The following GPR161 variants were observed in gnomAD, a reference collection of about 807,000 sequenced individuals.
The protein encoded by GPR161 is G-protein coupled receptor RE2.
A neutral mutation model predicts 39.2 loss-of-function variants in GPR161; 25 were observed. That is an observed-to-expected ratio of 0.64 (90% CI 0.47 to 0.89). The LOEUF is 0.89. Ranked by LOEUF, GPR161 falls within the 40% of genes least tolerant of loss-of-function variation. The pLI is 0.00. For synonymous variants in GPR161, 286 were observed against 276.6 expected, an observed-to-expected ratio of 1.03 and a Z score of -0.34; for missense variants, 547 against 677.8, an observed-to-expected ratio of 0.81 and a Z score of 2.14.
chr1:168,113,386 T>C (rs946587582), intron 1 of GPR161, among the ~76,000 whole-genome samples: 4 of 152,208 alleles, frequency 2.6e-5, no homozygotes, highest in East Asian at 3.8e-4. Flanking sequence ...TCAGGGAAAG[T>C]TGATCACTAA....
rs571520266 is a variant in GPR161, at chr1:168,081,892, A to T, written c.*3639T>A. On this transcript the variant is annotated 3_prime_UTR_variant, in exon 6 of 6. Coordinates refer to ENST00000682931, the MANE Select transcript of GPR161 (RefSeq NM_001375883.1). ...TCATCCTCAGTTCCTTCCAGACAGG[A>T]CACAGCCAGGGCTCAAGGCTGAACA... The T allele has an allele frequency of 2.0e-5, 3 of 152,476 alleles. No individual in the cohort carries two copies. In the East Asian group the frequency reaches 5.8e-4, roughly 29 times the overall value. The allele number at this position is 152,476 out of a possible 1,614,324, so 9.4% of individuals were successfully genotyped here.
chr1:168,091,382 A>C (rs1198589104), intron 3 of GPR161, among the ~76,000 whole-genome samples: 2 of 152,194 alleles, frequency 1.3e-5, no homozygotes, highest in East Asian at 3.8e-4. Flanking sequence ...CATATTAAGT[A>C]GTGGGACCCT....
intron 1 of GPR161, chr1:168,118,594 C>T (rs886306879): frequency 6.6e-6 from 1 of 151,924 alleles, no homozygotes; most frequent in African/African-American, 2.4e-5. Context: ...GTACTTGTAC[C>T]CCTTAAATAT....
intron 1 of GPR161, among the ~76,000 whole-genome samples, chr1:168,119,865 A>G (rs1340932200): frequency 2.0e-5 from 3 of 151,972 alleles, no homozygotes; most frequent in African/African-American, 7.2e-5. Context: ...TACACAGAAG[A>G]CAAGAGATGA....
upstream of GPR161, chr1:168,137,065 GCGCCCCT>G: frequency 1.1e-5 from 2 of 180,572 alleles, no homozygotes; most frequent in Non-Finnish European, 1.5e-5. Context: ...CTCCCCACCC[GCGCCCCT>G]TCCTTCGCGT....
chr1:168,087,460 G>T, intron 5 of GPR161, 125 bp downstream of exon 5: 4 of 1,118,168 alleles, frequency 3.6e-6, no homozygotes, highest in Non-Finnish European at 5.3e-6. Context: ...GAGTAACCAG[G>T]GAGTGAGCAA....
chr1:168,116,992 G>C (rs1697686300), intron 1 of GPR161, among the ~76,000 whole-genome samples: 1 of 152,104 alleles, frequency 6.6e-6, no homozygotes, highest in Admixed American at 6.5e-5. Flanking sequence ...ACCTGGCTTT[G>C]GTGCTCTCCA....
At position 168,082,312 on chromosome 1, in the gene GPR161, C is replaced by T. The variant is rs1039384147; in HGVS notation, c.*3219G>A. The stretch of plus-strand genomic sequence containing the variant: ...CATGTAAGCAGGCTAGCCAGGTGGT[C>T]CTTGGTCACCAAGGCCGTGGACTAC... On this transcript the variant is annotated 3_prime_UTR_variant, in exon 6 of 6. Coordinates refer to ENST00000682931, the MANE Select transcript of GPR161 (RefSeq NM_001375883.1). The T allele has an allele frequency of 6.6e-6, 1 of 152,206 alleles. No individual in the cohort carries two copies. The highest frequency in any genetic ancestry group is 1.5e-5 in the Non-Finnish European group (1 of 68,078). The allele number at this position is 152,206 out of a possible 1,614,324, so 9.4% of individuals were successfully genotyped here.
At chr1:168,128,075 T>C (rs985271242) in intron 1 of GPR161, among the ~76,000 whole-genome samples, 10 of 152,178 alleles carry the variant, frequency 6.6e-5, no homozygotes, top group Admixed American at 3.9e-4. Flanking sequence ...CTGAGAAATA[T>C]GAAATTTTAA....
chr1:168,100,235 G>GAAC (rs1558105234), intron 2 of GPR161, among the ~76,000 whole-genome samples: 3 of 134,886 alleles, frequency 2.2e-5, no homozygotes, highest in Non-Finnish European at 3.1e-5. Context: ...AAAAAAAAAG[G>GAAC]ATATAGAACA....
At chr1:168,131,469 T>A (rs1479990977) in intron 1 of GPR161, among the ~76,000 whole-genome samples, 1 of 151,788 alleles carries the variant, frequency 6.6e-6, no homozygotes, top group African/African-American at 2.4e-5. Context: ...GGAGAAGAGC[T>A]CATCCTTAAG....
chr1:168,110,241 C>G (rs1558118867), intron 1 of GPR161, among the ~76,000 whole-genome samples: 1 of 151,970 alleles, frequency 6.6e-6, no homozygotes, highest in Non-Finnish European at 1.5e-5. Flanking sequence ...CAGTGGCTCA[C>G]GCCTGTAACC....
chr1:168,101,900 G>A (rs989970271), intron 2 of GPR161, among the ~76,000 whole-genome samples: 8 of 132,784 alleles, frequency 6.0e-5, no homozygotes, highest in African/African-American at 1.4e-4. Context: ...CCTGCCTACC[G>A]GGTTCAAGTG....
chr1:168,087,549 T>C, intron 5 of GPR161, 36 bp downstream of exon 5: 1 of 1,612,168 alleles, frequency 6.2e-7, no homozygotes, highest in Non-Finnish European at 8.5e-7. Context: ...TCCGTTTCCC[T>C]ATGTTTTCTT....
chr1:168,131,174 C>T lies in GPR161; in HGVS notation c.-45+5565G>A, dbSNP rs184745913. ...GCCTCACCATCTTTTCCCTGGACTA[C>T]TAACAGGCATTTCTCTCTTCTTCTT... is the stretch of plus-strand genomic sequence containing the variant. On this transcript the variant is annotated intron_variant, in intron 1 of 5. Coordinates refer to ENST00000682931, the MANE Select transcript of GPR161 (RefSeq NM_001375883.1). Among the ~76,000 whole-genome samples, 664 of 152,268 alleles carry T rather than the reference C, an allele frequency of 4.4e-3. 13 individuals carry two copies. Among genetic ancestry groups the T allele is most frequent in the East Asian group, 4.2e-3 (22 of 5,180 alleles).
rs1057305783 is a variant in GPR161, at chr1:168,084,815, CTT to C, written c.*714_*715del. 4 of 456,020 alleles carry C rather than the reference CTT, an allele frequency of 8.8e-6. No individual in the cohort carries two copies. The highest frequency in any genetic ancestry group is 8.0e-5 in the African/African-American group (4 of 50,010). The allele number at this position is 456,020 out of a possible 1,614,324, so 28.2% of individuals were successfully genotyped here. A position where few individuals can be genotyped will look rare whatever the true frequency, so the allele number is the denominator to read the frequency against. On this transcript the variant is annotated 3_prime_UTR_variant, in exon 6 of 6. Transcript: ENST00000682931. The stretch of plus-strand genomic sequence containing the variant: ...GAAACACCTAGTACCTGCCCTTCCT[CTT>C]GTCTTTTATAGTGGTTTCTCCCTTT...
Position 168,084,532 on chromosome 1 carries a change from T to C in GPR161, c.*999A>G. On this transcript the variant is annotated 3_prime_UTR_variant, in exon 6 of 6. Transcript: ENST00000682931. ...CTGGCTGTGGGTCCAGGGCTGCTTC[T>C]ATCTTATTTATACCAGGCTTGTGAT... 2.9e-6 allele frequency: 1 copy of C among 343,060 alleles called. No homozygotes were observed. Among genetic ancestry groups the C allele is most frequent in the Non-Finnish European group, 5.7e-6 (1 of 176,784 alleles). 21.3% of individuals were successfully genotyped at this position (343,060 alleles called of 1,614,324 possible).
chr1:168,122,369 ATCT>A, intron 1 of GPR161, among the ~76,000 whole-genome samples: 1 of 152,272 alleles, frequency 6.6e-6, no homozygotes, highest in South Asian at 2.1e-4. Context: ...GCTACATTAT[ATCT>A]TCTCTGGATT....
chr1:168,093,080 T>G (rs1280721571), intron 3 of GPR161, among the ~76,000 whole-genome samples: 1 of 152,122 alleles, frequency 6.6e-6, no homozygotes, highest in Non-Finnish European at 1.5e-5. Context: ...TCTTCTTGGC[T>G]CCCATTGCCA....
Sources: allele counts gnomAD v4.1 joint callset (sites outside exome capture counted in the v4.1 genomes callset), GRCh38; gene constraint gnomAD v4.1.1; transcripts MANE v1.5; gene names NCBI Gene and HGNC (gene_info 2026-07-23, HGNC 2026-07-21).